The following KLRG1 variants were observed in gnomAD, a reference collection of about 807,000 sequenced individuals.
KLRG1 encodes the protein killer cell lectin-like receptor subfamily G member 1.
A neutral mutation model predicts 21.8 loss-of-function variants in KLRG1; 16 were observed. The observed-to-expected ratio is 0.73, with a 90% CI of 0.50 to 1.11. The LOEUF is 1.11. Ranked by LOEUF, KLRG1 falls within the 50% of genes most tolerant of loss-of-function variation. The pLI, the probability that KLRG1 is intolerant of heterozygous loss-of-function variation, is 0.00. For synonymous variants in KLRG1, 69 were observed against 75.9 expected (o/e 0.91, Z 0.47); for missense variants, 173 against 218.3 (o/e 0.79, Z 1.31).
chr12:9,183,948 T>C, the KLRG1 span, among the ~76,000 whole-genome samples: 72 of 152,246 alleles, frequency 4.7e-4, no homozygotes, highest in African/African-American at 1.7e-3. Flanking sequence ...AAGTTTTAGC[T>C]CAGACCTCAA....
chr12:9,068,948 C>A, the KLRG1 span: 1 of 713,216 alleles, frequency 1.4e-6, no homozygotes, highest in Non-Finnish European at 2.3e-6. Context: ...TATTATCCTA[C>A]AGCACACTAT....
At chr12:9,180,983 T>G in the KLRG1 span, 1 of 1,611,960 alleles carries the variant, frequency 6.2e-7, no homozygotes. Flanking sequence ...GGAAACTCAC[T>G]GAGGACACAG....
the KLRG1 span, among the ~76,000 whole-genome samples, chr12:9,043,884 A>T: frequency 6.6e-6 from 1 of 152,218 alleles, no homozygotes; most frequent in Non-Finnish European, 1.5e-5. Flanking sequence ...TGTTGGAGAG[A>T]CCATAAAATG....
intron 2 of KLRG1, among the ~76,000 whole-genome samples, chr12:8,994,515 T>C (rs145826289): frequency 2.0e-5 from 3 of 152,222 alleles, no homozygotes; most frequent in Admixed American, 1.3e-4. Context: ...TTGAAAAATA[T>C]CAAAGTAAGT....
the KLRG1 span, among the ~76,000 whole-genome samples, chr12:9,125,773 C>T: frequency 6.6e-6 from 1 of 152,192 alleles, no homozygotes. Context: ...CTTGCTCTAA[C>T]GCCCAGGCTG....
chr12:8,961,358 C>T (rs1166161869), intron 1 of KLRG1, among the ~76,000 whole-genome samples: 1 of 152,136 alleles, frequency 6.6e-6, no homozygotes, highest in East Asian at 1.9e-4. Flanking sequence ...TCAAAAGGAT[C>T]AAACTGATAA....
At chr12:9,160,070 G>A in the KLRG1 span, 5 of 1,550,014 alleles carry the variant, frequency 3.2e-6, no homozygotes, top group East Asian at 2.2e-5. Flanking sequence ...TTAAAGAAAG[G>A]CAGGCCATCC....
the KLRG1 span, among the ~76,000 whole-genome samples, chr12:9,056,499 A>G: frequency 6.6e-6 from 1 of 152,094 alleles, no homozygotes; most frequent in African/African-American, 2.4e-5. Flanking sequence ...AAGACTTAGC[A>G]TAATTCTCTC....
the KLRG1 span, among the ~76,000 whole-genome samples, chr12:9,142,248 G>A: frequency 1.3e-5 from 2 of 151,906 alleles, no homozygotes; most frequent in Admixed American, 1.3e-4. Flanking sequence ...TAGAAGTTAG[G>A]GTATTTCACT....
the KLRG1 span, among the ~76,000 whole-genome samples, chr12:9,070,916 G>T: frequency 6.6e-6 from 1 of 151,998 alleles, no homozygotes; most frequent in South Asian, 2.1e-4. Flanking sequence ...CGCCTCCTGG[G>T]TTCAAGTGAT....
downstream of KLRG1, among the ~76,000 whole-genome samples, chr12:9,013,367 A>C (rs1565556617): frequency 6.6e-6 from 1 of 152,198 alleles, no homozygotes; most frequent in South Asian, 2.1e-4. Context: ...ACCTCACCAA[A>C]TGAACTAAAT....
chr12:9,101,693 T>G, the KLRG1 span: 2 of 1,541,184 alleles, frequency 1.3e-6, no homozygotes, highest in Non-Finnish European at 1.8e-6. Context: ...TTAGAAAAAT[T>G]ATATTATTTT....
At chr12:9,197,038 C>T in the KLRG1 span, 1 of 1,613,340 alleles carries the variant, frequency 6.2e-7, no homozygotes, top group Non-Finnish European at 8.5e-7. Flanking sequence ...TCACAGACCT[C>T]CTGCTTGTCA....
intron 1 of KLRG1, among the ~76,000 whole-genome samples, chr12:8,959,256 G>T (rs892855118): frequency 6.6e-6 from 1 of 152,008 alleles, no homozygotes; most frequent in Non-Finnish European, 1.5e-5. Context: ...TTGTATCTGG[G>T]GTCGCAAGAT....
At chr12:9,038,566 C>T in the KLRG1 span, among the ~76,000 whole-genome samples, 3 of 152,050 alleles carry the variant, frequency 2.0e-5, no homozygotes, top group Admixed American at 6.6e-5. Flanking sequence ...GGGACTATTG[C>T]CTAGCAAAGT....
At chr12:9,137,719 A>G in the KLRG1 span, among the ~76,000 whole-genome samples, 17 of 152,072 alleles carry the variant, frequency 1.1e-4, no homozygotes, top group East Asian at 2.1e-3. Flanking sequence ...TTGTTTCCAG[A>G]CACAGGTCTT....
chr12:9,105,107 T>A, the KLRG1 span, among the ~76,000 whole-genome samples: 2 of 152,190 alleles, frequency 1.3e-5, no homozygotes, highest in African/African-American at 4.8e-5. Flanking sequence ...GTATTGGCAG[T>A]TGAGTAGTCC....
At chr12:9,091,442 G>A in the KLRG1 span, 15 of 1,613,508 alleles carry the variant, frequency 9.3e-6, no homozygotes, top group South Asian at 8.8e-5. Context: ...GGAGAGGAGT[G>A]TAAGTGAAGA....
the KLRG1 span, among the ~76,000 whole-genome samples, chr12:9,168,034 T>A: frequency 6.6e-6 from 1 of 152,200 alleles, no homozygotes; most frequent in African/African-American, 2.4e-5. Flanking sequence ...ATAATAAAGC[T>A]CATTTAAAGA....
Sources: gnomAD v4.1 joint callset for allele counts (sites outside exome capture counted in the v4.1 genomes callset) on GRCh38, gnomAD v4.1.1 for gene constraint, MANE v1.5 for transcripts, NCBI Gene and HGNC (gene_info 2026-07-23, HGNC 2026-07-21) for gene names.